The following PDE1C variants were observed in gnomAD, a reference collection of about 807,000 sequenced individuals.
PDE1C encodes phosphodiesterase 1C.
A neutral mutation model predicts 93.1 loss-of-function variants in PDE1C; 62 were observed. The ratio of observed to expected loss-of-function variants is 0.67; its 90% CI spans 0.54 to 0.82. PDE1C has a LOEUF of 0.82. PDE1C is among the 40% of genes least tolerant of loss of function. PDE1C has a pLI of 0.00. For missense variants in PDE1C, 742 were observed against 884.6 expected, an observed-to-expected ratio of 0.84 and a Z score of 2.04; for synonymous variants, 325 against 310.1, an observed-to-expected ratio of 1.05 and a Z score of -0.50.
chr7:32,172,615 G>C (rs1317260173), intron 2 of PDE1C, among the ~76,000 whole-genome samples: 1 of 152,082 alleles, frequency 6.6e-6, no homozygotes. Flanking sequence ...CTGAGGTCAG[G>C]AGTTCAAGAC....
At chr7:32,320,332 G>A (rs1783263982) in intron 1 of PDE1C, among the ~76,000 whole-genome samples, 2 of 152,102 alleles carry the variant, frequency 1.3e-5, no homozygotes, top group East Asian at 1.9e-4. Flanking sequence ...AGGTAGAACT[G>A]GGGAACAACA....
intron 1 of PDE1C, among the ~76,000 whole-genome samples, chr7:32,332,919 G>A (rs1048032893): frequency 5.9e-5 from 9 of 152,100 alleles, no homozygotes; most frequent in African/African-American, 1.4e-4. Context: ...GAGGTTTCTC[G>A]GATGCCAACA....
At chr7:31,646,930 A>G in the PDE1C span, among the ~76,000 whole-genome samples, 1 of 152,236 alleles carries the variant, frequency 6.6e-6, no homozygotes, top group Non-Finnish European at 1.5e-5. Flanking sequence ...ACCTGCTGAA[A>G]TGGATGCTAT....
upstream of PDE1C, chr7:32,070,698 G>C (rs1795951110): frequency 3.2e-6 from 4 of 1,240,280 alleles, no homozygotes; most frequent in Non-Finnish European, 4.1e-6. Context: ...CCAGCTCCAA[G>C]AGAAAGCACC....
chr7:31,801,486 T>C lies in PDE1C; in HGVS notation c.1891+7545A>G, dbSNP rs183610195. ...GAAAAAGATGTGTATTCTTCTATGG[T>C]TGGGTATTCTAGGAATGCCAATTAT... is the stretch of plus-strand genomic sequence containing the variant. On this transcript the variant is annotated intron_variant, in intron 16 of 17. Coordinates refer to ENST00000396191, the MANE Select transcript of PDE1C (RefSeq NM_001191057.4). 5.8e-3 allele frequency among the ~76,000 whole-genome samples: 882 copies of C among 151,578 alleles called. 6 individuals are homozygous for C. Among genetic ancestry groups the C allele is most frequent in the African/African-American group, 0.02 (839 of 41,472 alleles).
chr7:32,094,006 G>C (rs189071885), intron 3 of PDE1C, among the ~76,000 whole-genome samples: 31 of 152,342 alleles, frequency 2.0e-4, no homozygotes, highest in African/African-American at 7.2e-4. Flanking sequence ...AGATGGTAAA[G>C]GGCTCCTCCT....
At chr7:31,955,728 T>C (rs556507128) in intron 2 of PDE1C, among the ~76,000 whole-genome samples, 1 of 152,234 alleles carries the variant, frequency 6.6e-6, no homozygotes, top group Non-Finnish European at 1.5e-5. Context: ...CGTAAAAAAA[T>C]TGAGGGTCCG....
At chr7:32,392,248 A>G (rs930233379) in intron 1 of PDE1C, among the ~76,000 whole-genome samples, 1 of 152,190 alleles carries the variant, frequency 6.6e-6, no homozygotes, top group African/African-American at 2.4e-5. Context: ...TTACAAAAAC[A>G]TGTTAGAAAA....
At chr7:32,303,384 C>T (rs766041796), upstream of PDE1C, among the ~76,000 whole-genome samples, 4 of 152,186 alleles carry the variant, frequency 2.6e-5, no homozygotes, top group Non-Finnish European at 4.4e-5. Flanking sequence ...AGGCATTGTG[C>T]TAACCAAGAA....
intron 1 of PDE1C, among the ~76,000 whole-genome samples, chr7:32,364,913 T>C (rs569329208): frequency 2.6e-5 from 4 of 152,206 alleles, no homozygotes; most frequent in Admixed American, 2.0e-4. Flanking sequence ...TAATTCCCAT[T>C]ACCCTTGCTT....
chr7:32,025,797 A>C (rs1050095313), intron 2 of PDE1C, among the ~76,000 whole-genome samples: 2 of 152,134 alleles, frequency 1.3e-5, no homozygotes, highest in Non-Finnish European at 1.5e-5. Context: ...CATACAGTGA[A>C]GATAGTGTCC....
chr7:32,227,347 C>T (rs4141108), intron 1 of PDE1C, among the ~76,000 whole-genome samples: 43,682 of 152,026 alleles, frequency 0.29, 6,780 homozygotes, highest in East Asian at 0.41. Context: ...TGATGTCCCC[C>T]GTCATATGTT....
At chr7:31,886,644 C>T (rs1033296265) in intron 2 of PDE1C, among the ~76,000 whole-genome samples, 2 of 152,072 alleles carry the variant, frequency 1.3e-5, no homozygotes, top group African/African-American at 4.8e-5. Context: ...AATAACAAAG[C>T]CCTCCCCAGT....
intron 1 of PDE1C, among the ~76,000 whole-genome samples, chr7:32,396,791 G>A (rs1376252711): frequency 6.6e-6 from 1 of 152,074 alleles, no homozygotes; most frequent in East Asian, 1.9e-4. Flanking sequence ...ATAAATCACA[G>A]GGAAATGTAA....
At chr7:31,775,847 C>T in intron 16 of PDE1C, 115 bp from the exon 17 acceptor site, 1 of 865,258 alleles carries the variant, frequency 1.2e-6, no homozygotes, top group South Asian at 1.5e-5. Flanking sequence ...TGTTTAGAAG[C>T]AGGTTAGGTG....
intron 16 of PDE1C, chr7:31,785,788 C>T (rs1315946376): frequency 6.6e-6 from 1 of 152,146 alleles, no homozygotes; most frequent in Non-Finnish European, 1.5e-5. Flanking sequence ...TCTAGTGTCA[C>T]CTCTGTGCCC....
intron 1 of PDE1C, among the ~76,000 whole-genome samples, chr7:32,241,921 G>C (rs1808572239): frequency 6.6e-6 from 1 of 152,144 alleles, no homozygotes; most frequent in East Asian, 1.9e-4. Context: ...ACAGCAAGGG[G>C]AGCATGTGGA....
the PDE1C span, among the ~76,000 whole-genome samples, chr7:31,667,132 G>A: frequency 8.5e-5 from 13 of 152,246 alleles, no homozygotes; most frequent in African/African-American, 1.7e-4. Flanking sequence ...ACAGAAGATG[G>A]GGGCACAAGG....
intron 6 of PDE1C, among the ~76,000 whole-genome samples, chr7:31,870,308 G>A (rs1264441336): frequency 6.6e-6 from 1 of 151,772 alleles, no homozygotes; most frequent in Non-Finnish European, 1.5e-5. Context: ...GCAATGAAAT[G>A]AGAAAAGTTG....
Sources: allele counts gnomAD v4.1 joint callset (sites outside exome capture counted in the v4.1 genomes callset), GRCh38; gene constraint gnomAD v4.1.1; transcripts MANE v1.5; gene names NCBI Gene and HGNC (gene_info 2026-07-23, HGNC 2026-07-21).